The following PARD3B variants were observed in gnomAD, a reference collection of about 807,000 sequenced individuals.
The protein encoded by PARD3B is partitioning defective 3 homolog B.
In PARD3B, 103 loss-of-function variants were observed where a neutral mutation model predicts 130.2. The ratio of observed to expected loss-of-function variants is 0.79; its 90% CI spans 0.67 to 0.93. The LOEUF (loss-of-function observed/expected upper bound fraction) is 0.93, where lower values mean the gene tolerates loss of function less well. Among genes scored for constraint, PARD3B ranks in the 40% least tolerant of loss-of-function variants. The probability of loss-of-function intolerance (pLI) is 0.00; values close to 1 mark genes in which losing one functional copy is unlikely to be tolerated. For synonymous variants in PARD3B, 583 were observed against 553.2 expected, an observed-to-expected ratio of 1.05 and a Z score of -0.76; for missense variants, 1,609 against 1,499.2, an observed-to-expected ratio of 1.07 and a Z score of -1.21.
In PARD3B at chr2:205,418,805, C is replaced by G. The variant is rs1404969618; in HGVS notation, c.2741+17682C>G. On this transcript the variant is annotated intron_variant, in intron 19 of 22. Transcript: ENST00000406610. ...ATCAGGGTGTTTTCCATTATAGTTT[C>G]TTTCTCTAAAGCTGACAGAATATAG... 2.0e-5 allele frequency among the ~76,000 whole-genome samples: 3 copies of G among 152,050 alleles called. No homozygotes were observed. The East Asian group carries it at 5.8e-4, about 29-fold the overall frequency.
intron 2 of PARD3B, among the ~76,000 whole-genome samples, chr2:204,756,756 T>C (rs1275215380): frequency 6.6e-6 from 1 of 152,126 alleles, no homozygotes; most frequent in Non-Finnish European, 1.5e-5. Context: ...ACTGAATGGA[T>C]ATGGAATCCG....
intron 2 of PARD3B, among the ~76,000 whole-genome samples, chr2:204,832,333 T>C (rs1422254180): frequency 1.3e-5 from 2 of 152,226 alleles, no homozygotes; most frequent in Non-Finnish European, 2.9e-5. Context: ...ATGCTTGCTT[T>C]TCTGTTTAAA....
Position 204,701,246 on chromosome 2 carries a change from T to G in PARD3B, c.222+14964T>G, listed in dbSNP as rs150149381. Among the ~76,000 whole-genome samples the G allele has an allele frequency of 3.1e-3, 466 of 152,284 alleles. 3 individuals carry two copies. Among genetic ancestry groups the G allele is most frequent in the South Asian group, 7.5e-3 (36 of 4,826 alleles). On this transcript the variant is annotated intron_variant, in intron 2 of 22. Coordinates refer to ENST00000406610, the MANE Select transcript of PARD3B (RefSeq NM_001302769.2). ...ATTTTGCTATAATTCTGATAAATAC[T>G]CTATTTACTGTAATTAAAATGTAAA... is the stretch of plus-strand genomic sequence containing the variant.
chr2:205,267,741 A>T (rs1288151805), intron 16 of PARD3B, among the ~76,000 whole-genome samples: 1 of 152,158 alleles, frequency 6.6e-6, no homozygotes, highest in East Asian at 1.9e-4. Flanking sequence ...GAAAAGGCAG[A>T]TAGAGGGGTG....
At chr2:205,031,476 T>C (rs1225055574) in intron 3 of PARD3B, among the ~76,000 whole-genome samples, 1 of 152,192 alleles carries the variant, frequency 6.6e-6, no homozygotes, top group Non-Finnish European at 1.5e-5. Context: ...AGAAGGCTTG[T>C]CTCAGGAACC....
chr2:205,078,844 A>T lies in PARD3B; in HGVS notation c.505-25582A>T, dbSNP rs1193001328. Among the ~76,000 whole-genome samples, 2 of 152,206 alleles carry T rather than the reference A, an allele frequency of 1.3e-5. No homozygotes were observed. On this transcript the variant is annotated intron_variant, in intron 4 of 22. Coordinates refer to ENST00000406610, the MANE Select transcript of PARD3B (RefSeq NM_001302769.2). The surrounding 1 kb of genome is among the most constrained non-coding windows in gnomAD (Gnocchi z 4.0). ...TAAGAAAGTCCATTTCTCTGAGTCC[A>T]CTTTGCTAGAAAGGCCATGTGTAGG...
intron 20 of PARD3B, among the ~76,000 whole-genome samples, chr2:205,453,743 G>A (rs1040374407): frequency 3.9e-5 from 6 of 152,116 alleles, no homozygotes; most frequent in African/African-American, 1.4e-4. Context: ...TTTGTTAATA[G>A]AATATAAAGG....
intron 13 of PARD3B, among the ~76,000 whole-genome samples, chr2:205,184,785 T>C (rs1186646609): frequency 6.6e-6 from 1 of 151,416 alleles, no homozygotes; most frequent in Non-Finnish European, 1.5e-5. Context: ...CACACACATA[T>C]ATATATATAT....
intron 18 of PARD3B, among the ~76,000 whole-genome samples, chr2:205,398,374 A>G (rs1574917865): frequency 2.0e-5 from 3 of 152,292 alleles, no homozygotes; most frequent in South Asian, 4.1e-4. Flanking sequence ...TAAATGATAC[A>G]TGGATATTTC....
chr2:204,878,198 A>C (rs1233749698), intron 2 of PARD3B, among the ~76,000 whole-genome samples: 1 of 152,222 alleles, frequency 6.6e-6, no homozygotes, highest in Non-Finnish European at 1.5e-5. Flanking sequence ...GGTGACTTTG[A>C]TATGTCAGAA....
chr2:205,254,759 G>A (rs908237123), intron 16 of PARD3B, among the ~76,000 whole-genome samples: 1 of 151,178 alleles, frequency 6.6e-6, no homozygotes, highest in East Asian at 2.0e-4. Flanking sequence ...CGCCCCCCGG[G>A]GTTCACGCCA....
chr2:205,034,873 T>C (rs536132590), intron 3 of PARD3B, among the ~76,000 whole-genome samples: 1 of 152,262 alleles, frequency 6.6e-6, no homozygotes, highest in East Asian at 1.9e-4. Flanking sequence ...TGTTTGTTTA[T>C]TGAGATGAAA....
intron 2 of PARD3B, among the ~76,000 whole-genome samples, chr2:204,829,891 T>G (rs1012318594): frequency 6.7e-6 from 1 of 148,346 alleles, no homozygotes; most frequent in African/African-American, 2.5e-5. Flanking sequence ...CCCAGCTACT[T>G]GGGAGGCTGA....
chr2:205,353,879 C>T (rs1286327586), intron 18 of PARD3B, among the ~76,000 whole-genome samples: 1 of 152,098 alleles, frequency 6.6e-6, no homozygotes, highest in Admixed American at 6.6e-5. Flanking sequence ...TAAACACTAT[C>T]TGACCTCCCT....
chr2:205,051,262 G>A (rs573525942), intron 4 of PARD3B, among the ~76,000 whole-genome samples: 1 of 152,198 alleles, frequency 6.6e-6, no homozygotes, highest in Admixed American at 6.5e-5. Context: ...ATAAGTGATG[G>A]TGAATTCGGG....
intron 3 of PARD3B, among the ~76,000 whole-genome samples, chr2:204,991,472 A>G (rs576509448): frequency 7.1e-5 from 10 of 140,988 alleles, no homozygotes; most frequent in Admixed American, 3.6e-4. Context: ...AATCCAGTCT[A>G]TCATTGTTGG....
chr2:204,878,568 A>G (rs1218427816), intron 2 of PARD3B, among the ~76,000 whole-genome samples: 1 of 152,198 alleles, frequency 6.6e-6, no homozygotes, highest in African/African-American at 2.4e-5. Flanking sequence ...TTTAATAAGA[A>G]TGAACTGTTA....
At chr2:204,587,150 A>C (rs1314787403) in intron 1 of PARD3B, among the ~76,000 whole-genome samples, 2 of 152,176 alleles carry the variant, frequency 1.3e-5, no homozygotes, top group Non-Finnish European at 2.9e-5. Flanking sequence ...AGGTTTGCCA[A>C]TGGGACTATA....
intron 1 of PARD3B, among the ~76,000 whole-genome samples, chr2:204,682,993 T>C (rs2036909616): frequency 6.6e-6 from 1 of 152,226 alleles, no homozygotes. Context: ...TTACATTTGA[T>C]CATTAAAAAT....
Sources: allele counts gnomAD v4.1 joint callset (sites outside exome capture counted in the v4.1 genomes callset), GRCh38; gene constraint gnomAD v4.1.1; non-coding constraint Gnocchi (gnomAD v3.1); transcripts MANE v1.5; gene names NCBI Gene and HGNC (gene_info 2026-07-23, HGNC 2026-07-21).